The following ZNF853 variants were observed in gnomAD, a reference collection of about 807,000 sequenced individuals.
ZNF853 encodes the protein zinc finger protein 853.
Under a neutral mutation model 94.7 loss-of-function variants are expected in ZNF853, and 57 were observed. The ratio of observed to expected loss-of-function variants is 0.60; its 90% CI spans 0.49 to 0.75. The LOEUF (loss-of-function observed/expected upper bound fraction) is 0.75, where lower values mean the gene tolerates loss of function less well. Among genes scored for constraint, ZNF853 ranks in the 30% least tolerant of loss-of-function variants. The pLI, the probability that ZNF853 is intolerant of heterozygous loss-of-function variation, is 0.00. For synonymous variants in ZNF853, 448 were observed against 406.3 expected (o/e 1.10, Z -1.23); for missense variants, 785 against 868.9 (o/e 0.90, Z 1.21).
rs1782687641 is a variant in ZNF853, at chr7:6,623,568, G to C, written c.*597G>C. On this transcript the variant is annotated 3_prime_UTR_variant, in exon 3 of 3. Coordinates refer to ENST00000457543, the MANE Select transcript of ZNF853 (RefSeq NM_017560.3). Reference sequence around the variant, plus strand: ...GAAAACGCCTGTGTTCATCAACACAGGGTCAGAGCGCTCACCGGGTCGATG... The same window carrying C: ...GAAAACGCCTGTGTTCATCAACACACGGTCAGAGCGCTCACCGGGTCGATG... The C allele has an allele frequency of 2.6e-6, 1 of 381,334 alleles. No individual in the cohort carries two copies. Among genetic ancestry groups the C allele is most frequent in the African/African-American group, 2.1e-5 (1 of 48,286 alleles). 23.6% of individuals were successfully genotyped at this position (381,334 alleles called of 1,614,324 possible).
At position 6,622,898 on chromosome 7, in the gene ZNF853, C is replaced by T; in HGVS notation, c.1907C>T (p.Pro636Leu). The change falls in exon 3 of 3, where the codon CCG (proline) becomes CTG (leucine). Residue 636 changes from proline to leucine, a missense_variant. Physicochemically the swap from Pro to Leu is moderately conservative, Grantham distance 98. Transcript: ENST00000457543. ...CTCGGCCTGCTGCGCGCCTCGCGGC[C>T]GGCGGCCCTCGGTGGCCCAGCCCGC... Reference protein sequence around the residue: ...RGLGLLRASRPAALGGPARAE... With the variant: ...RGLGLLRASRLAALGGPARAE... The T allele has an allele frequency of 4.8e-6, 6 of 1,253,634 alleles. No individual in the cohort carries two copies. The highest frequency in any genetic ancestry group is 6.0e-6 in the Non-Finnish European group (6 of 999,900). The allele number at this position is 1,253,634 out of a possible 1,614,324, so 77.7% of individuals were successfully genotyped here. A position where few individuals can be genotyped will look rare whatever the true frequency, so the allele number is the denominator to read the frequency against.
chr7:6,617,324 A>T lies in ZNF853; in HGVS notation c.130+17A>T. The T allele has an allele frequency of 7.0e-7, 1 of 1,422,504 alleles. No individual in the cohort carries two copies. The highest frequency in any genetic ancestry group is 9.3e-7 in the Non-Finnish European group (1 of 1,077,814). The allele number at this position is 1,422,504 out of a possible 1,614,324, so 88.1% of individuals were successfully genotyped here. On this transcript the variant is annotated intron_variant, in intron 2 of 2. Transcript: ENST00000457543. ...CCCTCTCAGGTGAGGGCCTCGGGGG[A>T]TCCCTTGACAGAGCCTCATGCCTGC...
chr7:6,622,366 G>A lies in ZNF853; in HGVS notation c.1375G>A (p.Ala459Thr). Residue 459 changes from alanine to threonine, a missense_variant, in exon 3 of 3, where the codon GCC becomes ACC. Physicochemically the swap from Ala to Thr is moderately conservative, Grantham distance 58. Transcript: ENST00000457543. ...CGCCGTGGCAGCGCCGGCCGTGGTG[G>A]CCATCCCGGGCCCGGCAGGCAGCGC... is the stretch of plus-strand genomic sequence containing the variant. ...LPAVAAPAVV[A>T]IPGPAGSAAL... 1 of 1,415,456 alleles carries A rather than the reference G, an allele frequency of 7.1e-7. No homozygotes were observed. Among genetic ancestry groups the A allele is most frequent in the Non-Finnish European group, 9.2e-7 (1 of 1,092,030 alleles). The allele number at this position is 1,415,456 out of a possible 1,614,324, so 87.7% of individuals were successfully genotyped here. A position where few individuals can be genotyped will look rare whatever the true frequency, so the allele number is the denominator to read the frequency against.
chr7:6,621,657 G>C lies in ZNF853; in HGVS notation c.666G>C (p.Gln222His). The part of the protein sequence containing the change: ...QQQQLLQQQE[Q>H]LQQQQFQQQQ... Reference sequence around the variant, plus strand: ...AGCAGCTGCTACAACAGCAGGAACAGTTACAGCAGCAACAGTTTCAACAGC... The same window carrying C: ...AGCAGCTGCTACAACAGCAGGAACACTTACAGCAGCAACAGTTTCAACAGC... Residue 222 changes from glutamine to histidine, a missense_variant, in exon 3 of 3, where the codon CAG (glutamine) becomes CAC (histidine). Coordinates refer to ENST00000457543, the MANE Select transcript of ZNF853 (RefSeq NM_017560.3). 6.5e-7 allele frequency: 1 copy of C among 1,549,994 alleles called. No individual in the cohort carries two copies. The highest frequency in any genetic ancestry group is 8.7e-7 in the Non-Finnish European group (1 of 1,145,508).
rs1176063121 is a variant in ZNF853, at chr7:6,621,971, T to C, written c.980T>C (p.Val327Ala). 1 of 1,550,838 alleles carries C rather than the reference T, an allele frequency of 6.4e-7. No homozygotes were observed. The highest frequency in any genetic ancestry group is 2.4e-5 in the East Asian group (1 of 40,928). ...GAGGTGGAGCTGGAGCTCATGCCGGTGGACCTGGGGTCAGAGCAGGAGCTG... is the reference window on the plus strand; with the variant it reads ...GAGGTGGAGCTGGAGCTCATGCCGGCGGACCTGGGGTCAGAGCAGGAGCTG... ...EEEVELELMP[V>A]DLGSEQELEQ... Residue 327 changes from valine to alanine, a missense_variant, in exon 3 of 3, where the codon GTG becomes GCG. Transcript: ENST00000457543.
intron 2 of ZNF853, among the ~76,000 whole-genome samples, chr7:6,618,119 G>C: frequency 2.0e-5 from 3 of 151,954 alleles, no homozygotes; most frequent in African/African-American, 7.3e-5. Flanking sequence ...GGCCAACATG[G>C]TGAAACACTG....
chr7:6,621,363 A>G lies in ZNF853; in HGVS notation c.372A>G (p.Gln124=). The G allele has an allele frequency of 6.4e-7, 1 of 1,551,754 alleles. No individual in the cohort carries two copies. The highest frequency in any genetic ancestry group is 1.4e-5 in the African/African-American group (1 of 73,182). Reference sequence around the variant, plus strand: ...TAGAACTGCAACAGCAGCCGCAGCAAGATGGGCAACAACAGCTATCTCAAC... The same window carrying G: ...TAGAACTGCAACAGCAGCCGCAGCAGGATGGGCAACAACAGCTATCTCAAC... The part of the protein sequence containing the change: ...PHLELQQQPQ[Q]DGQQQLSQLQ... The change falls in exon 3 of 3, where the codon CAA becomes CAG. Residue 124 remains glutamine (Q), a synonymous_variant. Transcript: ENST00000457543.
At chr7:6,617,545 C>G in intron 2 of ZNF853, 1 of 967,970 alleles carries the variant, frequency 1.0e-6, no homozygotes, top group Non-Finnish European at 1.2e-6. Flanking sequence ...AACACTCACA[C>G]GCGCTGCTGG....
At chr7:6,619,423 C>T in intron 2 of ZNF853, among the ~76,000 whole-genome samples, 1 of 152,064 alleles carries the variant, frequency 6.6e-6, no homozygotes, top group Admixed American at 6.6e-5. Flanking sequence ...AGGCGCACAC[C>T]ACCACGCCCG....
chr7:6,617,514 A>G, intron 2 of ZNF853: 1 of 880,138 alleles, frequency 1.1e-6, no homozygotes, highest in South Asian at 5.2e-5. Flanking sequence ...CCCGCTCCCC[A>G]CATGGGTGCT....
Position 6,623,042 on chromosome 7 carries a change from C to A in ZNF853, c.*71C>A. ...CCTCCACCTGAAAAGCTCCTTGACC[C>A]GGGTTCATGGGCGCTGGAGGCGTCC... is the stretch of plus-strand genomic sequence containing the variant. On this transcript the variant is annotated 3_prime_UTR_variant, in exon 3 of 3. Transcript: ENST00000457543. 8.2e-7 allele frequency: 1 copy of A among 1,221,622 alleles called. No homozygotes were observed. The highest frequency in any genetic ancestry group is 1.0e-6 in the Non-Finnish European group (1 of 978,138). The allele number at this position is 1,221,622 out of a possible 1,614,324, so 75.7% of individuals were successfully genotyped here. A position where few individuals can be genotyped will look rare whatever the true frequency, so the allele number is the denominator to read the frequency against.
chr7:6,619,732 T>G, intron 2 of ZNF853, among the ~76,000 whole-genome samples: 1 of 152,094 alleles, frequency 6.6e-6, no homozygotes, highest in Non-Finnish European at 1.5e-5. Flanking sequence ...CCTCCTCAAG[T>G]CACATGTAGA....
Position 6,615,676 on chromosome 7 carries a change from C to A in ZNF853, c.-499C>A, listed in dbSNP as rs1782483498. The A allele has an allele frequency of 6.9e-6, 1 of 144,904 alleles. No homozygotes were observed. The highest frequency in any genetic ancestry group is 2.0e-4 in the South Asian group (1 of 4,910). The allele number at this position is 144,904 out of a possible 1,614,324, so 9.0% of individuals were successfully genotyped here. A position where few individuals can be genotyped will look rare whatever the true frequency, so the allele number is the denominator to read the frequency against. On this transcript the variant is annotated 5_prime_UTR_variant, in exon 1 of 3. Transcript: ENST00000457543. This position sits in a 1 kb window ranked among gnomAD's most constrained non-coding sequence, Gnocchi z 8.5. ...GCGGGCGGGCGAGCCCAGGGGGACCCGGCCTTGCCGCGGCGCCCGCCCCGC... is the reference window on the plus strand; with the variant it reads ...GCGGGCGGGCGAGCCCAGGGGGACCAGGCCTTGCCGCGGCGCCCGCCCCGC...
Position 6,622,182 on chromosome 7 carries a change from G to A in ZNF853, c.1191G>A (p.Gln397=). 3 of 1,540,472 alleles carry A rather than the reference G, an allele frequency of 1.9e-6. No homozygotes were observed. The highest frequency in any genetic ancestry group is 2.6e-6 in the Non-Finnish European group (3 of 1,146,578). The change falls in exon 3 of 3, where the codon CAG becomes CAA. Residue 397 remains glutamine (Q), a synonymous_variant. Transcript: ENST00000457543. ...CCCCGGTGGAGCTAGGCGCCCAGCA[G>A]CAGGAGGTGCAGCTGGAGCTGACCC... ...ELTPVELGAQ[Q]QEVQLELTPV... is the part of the protein sequence containing the mutation.
chr7:6,622,905 C>A lies in ZNF853; in HGVS notation c.1914C>A (p.Ala638=). Residue 638 remains alanine, a synonymous_variant, in exon 3 of 3, where the codon GCC becomes GCA. Transcript: ENST00000457543. ...TGCTGCGCGCCTCGCGGCCGGCGGC[C>A]CTCGGTGGCCCAGCCCGCGCGGAGC... ...LGLLRASRPA[A]LGGPARAEQA... 8.0e-7 allele frequency: 1 copy of A among 1,248,180 alleles called. No individual in the cohort carries two copies. The highest frequency in any genetic ancestry group is 1.0e-6 in the Non-Finnish European group (1 of 997,358). 77.3% of individuals were successfully genotyped at this position (1,248,180 alleles called of 1,614,324 possible).
At position 6,623,626 on chromosome 7, in the gene ZNF853, T is replaced by A. The variant is rs1048430423; in HGVS notation, c.*655T>A. 8 of 320,614 alleles carry A rather than the reference T, an allele frequency of 2.5e-5. No individual in the cohort carries two copies. The highest frequency in any genetic ancestry group is 1.1e-4 in the African/African-American group (5 of 46,992). The allele number at this position is 320,614 out of a possible 1,614,324, so 19.9% of individuals were successfully genotyped here. ...CCAAGCCAGGAAGTCCTGCTCCGGG[T>A]GGAAGGTAAAACCTTCCCTCCAGGG... On this transcript the variant is annotated 3_prime_UTR_variant, in exon 3 of 3. Transcript: ENST00000457543.
At chr7:6,617,107 G>A in intron 1 of ZNF853, 83 bp from the exon 2 acceptor site, 1 of 1,083,064 alleles carries the variant, frequency 9.2e-7, no homozygotes, top group East Asian at 2.7e-5. Context: ...GGCAGAGGTG[G>A]AGGGCCTTTG....
chr7:6,617,417 C>A, intron 2 of ZNF853, 110 bp downstream of exon 2: 1 of 975,434 alleles, frequency 1.0e-6, no homozygotes, highest in Non-Finnish European at 1.4e-6. Context: ...CCAACCTCAG[C>A]TGCATTGAGT....
chr7:6,621,207 A>AGTG lies in ZNF853; in HGVS notation c.218_220dup (p.Val73dup). 1.3e-6 allele frequency: 2 copies of AGTG among 1,528,660 alleles called. No homozygotes were observed. The highest frequency in any genetic ancestry group is 1.8e-6 in the Non-Finnish European group (2 of 1,135,468). 94.7% of individuals were successfully genotyped at this position (1,528,660 alleles called of 1,614,324 possible). On this transcript the variant is annotated inframe_insertion, in exon 3 of 3. Coordinates refer to ENST00000457543, the MANE Select transcript of ZNF853 (RefSeq NM_017560.3). ...CACAGCGGCCAGCAGTCTCGGCCCC[A>AGTG]GTGGGGGCCAGTGAAATCGCTGAGG... is the stretch of plus-strand genomic sequence containing the variant.
Sources: gnomAD v4.1 joint callset for allele counts (sites outside exome capture counted in the v4.1 genomes callset) on GRCh38, gnomAD v4.1.1 for gene constraint, Gnocchi (gnomAD v3.1) non-coding constraint, MANE v1.5 for transcripts, NCBI Gene and HGNC (gene_info 2026-07-23, HGNC 2026-07-21) for gene names.